CNBD1: variants seen among roughly 807,000 people sequenced by gnomAD.
CNBD1 encodes cyclic nucleotide-binding domain-containing protein 1.
In CNBD1, 71 loss-of-function variants were observed where a neutral mutation model predicts 54.4. The observed-to-expected ratio is 1.30, with a 90% CI of 1.08 to 1.59. The LOEUF (loss-of-function observed/expected upper bound fraction) is 1.59. Ranked by LOEUF, CNBD1 falls within the 40% of genes most tolerant of loss-of-function variation. The probability of loss-of-function intolerance (pLI) is 0.00; values close to 1 mark genes in which losing one functional copy is unlikely to be tolerated. For missense variants in CNBD1, 659 were observed against 518.0 expected (o/e 1.27, Z -2.64); for synonymous variants, 182 against 170.7 (o/e 1.07, Z -0.51).
chr8:87,014,123 G>T (rs927474791), intron 4 of CNBD1, among the ~76,000 whole-genome samples: 1 of 151,092 alleles, frequency 6.6e-6, no homozygotes, highest in African/African-American at 2.4e-5. Context: ...CTTTAAAAAA[G>T]CACTCAAATC....
At chr8:87,291,436 C>T (rs1429133933) in intron 8 of CNBD1, among the ~76,000 whole-genome samples, 1 of 152,104 alleles carries the variant, frequency 6.6e-6, no homozygotes, top group Non-Finnish European at 1.5e-5. Context: ...GAAATATTTT[C>T]TGCTAAAGAG....
intron 4 of CNBD1, among the ~76,000 whole-genome samples, chr8:87,181,463 G>T (rs1006707880): frequency 6.6e-6 from 1 of 152,102 alleles, no homozygotes; most frequent in Non-Finnish European, 1.5e-5. Flanking sequence ...TCAGAAGTTT[G>T]TCAATAATTC....
At chr8:87,109,578 G>A (rs1434756588) in intron 4 of CNBD1, among the ~76,000 whole-genome samples, 5 of 134,690 alleles carry the variant, frequency 3.7e-5, no homozygotes, top group African/African-American at 1.4e-4. Flanking sequence ...TCACTCTGTC[G>A]CCCAGGCTGG....
intron 4 of CNBD1, among the ~76,000 whole-genome samples, chr8:87,181,995 A>G (rs1479264215): frequency 6.6e-6 from 1 of 152,156 alleles, no homozygotes; most frequent in Non-Finnish European, 1.5e-5. Context: ...TTTGTCACCC[A>G]GGTAGTGAGC....
chr8:86,972,689 A>T (rs146324815), intron 4 of CNBD1, among the ~76,000 whole-genome samples: 460 of 152,324 alleles, frequency 3.0e-3, no homozygotes, highest in Non-Finnish European at 5.6e-3. Flanking sequence ...TACAAACTGC[A>T]TCAGCTGTAC....
chr8:86,994,507 A>T (rs917531729), intron 4 of CNBD1, among the ~76,000 whole-genome samples: 5 of 152,228 alleles, frequency 3.3e-5, no homozygotes, highest in African/African-American at 1.2e-4. Context: ...CTCTGGCTCC[A>T]TCTGTCTCTG....
At chr8:87,259,991 A>G (rs1433823164) in intron 6 of CNBD1, among the ~76,000 whole-genome samples, 1 of 152,184 alleles carries the variant, frequency 6.6e-6, no homozygotes, top group Admixed American at 6.6e-5. Flanking sequence ...CGTGGACAAG[A>G]AGAGAATCGA....
chr8:86,946,628 A>G (rs1306863497), intron 4 of CNBD1, among the ~76,000 whole-genome samples: 1 of 152,128 alleles, frequency 6.6e-6, no homozygotes, highest in Non-Finnish European at 1.5e-5. Context: ...TATAAGTGTA[A>G]CAGAACGTAC....
At chr8:87,169,531 A>T (rs1594519) in intron 4 of CNBD1, among the ~76,000 whole-genome samples, 35,859 of 151,878 alleles carry the variant, frequency 0.24, 4,230 homozygotes, top group South Asian at 0.27. Context: ...TAGTAGTTTC[A>T]TAGCTTGAGG....
chr8:87,177,317 C>CAGTGGTT (rs1813220305), intron 4 of CNBD1, among the ~76,000 whole-genome samples: 2 of 152,138 alleles, frequency 1.3e-5, no homozygotes, highest in African/African-American at 4.8e-5. Context: ...AGAATAGACT[C>CAGTGGTT]TTGCTATATC....
intron 4 of CNBD1, among the ~76,000 whole-genome samples, chr8:86,995,009 T>C (rs899090524): frequency 7.2e-5 from 11 of 152,164 alleles, no homozygotes; most frequent in Admixed American, 5.9e-4. Context: ...TCTTCATGAA[T>C]AGCAAAATGA....
At chr8:87,396,534 A>C (rs2130973744) in intron 2 of CNBD1, among the ~76,000 whole-genome samples, 1 of 151,962 alleles carries the variant, frequency 6.6e-6, no homozygotes, top group South Asian at 2.1e-4. Flanking sequence ...GAATGAGAAG[A>C]ATTGACTTTT....
At chr8:86,993,712 G>T (rs1051788928) in intron 4 of CNBD1, among the ~76,000 whole-genome samples, 8 of 152,324 alleles carry the variant, frequency 5.3e-5, no homozygotes, top group Admixed American at 5.2e-4. Context: ...TCACAGGGGT[G>T]TGTATTAAAA....
chr8:86,956,554 G>T (rs1807776682), intron 4 of CNBD1, among the ~76,000 whole-genome samples: 1 of 152,166 alleles, frequency 6.6e-6, no homozygotes, highest in South Asian at 2.1e-4. Flanking sequence ...CATATCCCTT[G>T]TAAGTTGGAT....
intron 10 of CNBD1, among the ~76,000 whole-genome samples, chr8:87,377,665 C>T (rs1202153411): frequency 6.8e-6 from 1 of 148,052 alleles, no homozygotes; most frequent in African/African-American, 2.5e-5. Context: ...TGGGTATATA[C>T]CCAGTAATGG....
Position 86,979,587 on chromosome 8 carries a change from A to T in CNBD1, c.431+39833A>T, listed in dbSNP as rs561666525. Among the ~76,000 whole-genome samples the T allele has an allele frequency of 2.5e-3, 383 of 152,116 alleles. 1 individual carries two copies. The highest frequency in any genetic ancestry group is 8.9e-3 in the African/African-American group (369 of 41,432). ...CAGAATAAGACCCCATTTCCAAAAAATAAAAAAAATTAAAATTCACACTGA... is the reference window on the plus strand; with the variant it reads ...CAGAATAAGACCCCATTTCCAAAAATTAAAAAAAATTAAAATTCACACTGA... On this transcript the variant is annotated intron_variant, in intron 4 of 10. Transcript: ENST00000518476.
chr8:87,406,473 CACACACTTT>C (rs1220196997), intron 2 of CNBD1, among the ~76,000 whole-genome samples: 3 of 131,720 alleles, frequency 2.3e-5, no homozygotes, highest in African/African-American at 1.0e-4. Flanking sequence ...CACACACACA[CACACACTTT>C]TTTTTTTTTT....
intron 10 of CNBD1, among the ~76,000 whole-genome samples, chr8:87,374,545 G>A (rs1420498718): frequency 1.3e-5 from 2 of 151,384 alleles, no homozygotes; most frequent in African/African-American, 4.9e-5. Context: ...GTATGGAAGA[G>A]ATTAGTTAGA....
chr8:87,420,571 CACTT>C (rs1563595517), intron 2 of CNBD1, among the ~76,000 whole-genome samples: 1 of 152,060 alleles, frequency 6.6e-6, no homozygotes, highest in Non-Finnish European at 1.5e-5. Flanking sequence ...GGATTCCTGT[CACTT>C]ACAGTTACTT....
Sources: gnomAD v4.1 joint callset for allele counts (sites outside exome capture counted in the v4.1 genomes callset) on GRCh38, gnomAD v4.1.1 for gene constraint, MANE v1.5 for transcripts, NCBI Gene and HGNC (gene_info 2026-07-23, HGNC 2026-07-21) for gene names.